The following CDK13 variants were observed in gnomAD, a reference collection of about 807,000 sequenced individuals.
CDK13 encodes the protein cyclin-dependent kinase 13.
In CDK13, 40 loss-of-function variants were observed where a neutral mutation model predicts 137.6. That is an observed-to-expected ratio of 0.29 (90% CI 0.23 to 0.38). The LOEUF is 0.38. Among genes scored for constraint, CDK13 ranks in the 10% least tolerant of loss-of-function variants. The pLI, the probability that CDK13 is intolerant of heterozygous loss-of-function variation, is 1.00. For missense variants in CDK13, 1,704 were observed against 1,951.8 expected (o/e 0.87, Z 2.39); for synonymous variants, 869 against 760.1 (o/e 1.14, Z -2.36).
In CDK13 at chr7:40,096,138, G is replaced by C. The variant is rs1180420002; in HGVS notation, c.*1158G>C. 6.6e-6 allele frequency: 1 copy of C among 152,046 alleles called. No individual in the cohort carries two copies. The highest frequency in any genetic ancestry group is 2.4e-5 in the African/African-American group (1 of 41,394). The allele number at this position is 152,046 out of a possible 1,614,324, so 9.4% of individuals were successfully genotyped here. A position where few individuals can be genotyped will look rare whatever the true frequency, so the allele number is the denominator to read the frequency against. On this transcript the variant is annotated 3_prime_UTR_variant, in exon 14 of 14. Coordinates refer to ENST00000181839, the MANE Select transcript of CDK13 (RefSeq NM_003718.5). ...GTGTTAAAGTTCATGGGGGAGGGGT[G>C]GCAAATACCGTATTTTAAGTTATGC... is the stretch of plus-strand genomic sequence containing the variant.
At chr7:40,078,468 C>T (rs554990086) in intron 10 of CDK13, 7 of 261,310 alleles carry the variant, frequency 2.7e-5, no homozygotes, top group Admixed American at 1.0e-4. Flanking sequence ...AGCAAATTAC[C>T]GATAAGTAAC....
intron 5 of CDK13, among the ~76,000 whole-genome samples, chr7:40,036,175 C>T (rs1232868740): frequency 2.4e-5 from 1 of 42,306 alleles, no homozygotes; most frequent in Non-Finnish European, 4.2e-5. Flanking sequence ...AAATAAATTA[C>T]ACACACACAC....
intron 5 of CDK13, among the ~76,000 whole-genome samples, chr7:40,007,043 A>G (rs1784808793): frequency 6.6e-6 from 1 of 152,178 alleles, no homozygotes; most frequent in Non-Finnish European, 1.5e-5. Context: ...GTGACCTTAT[A>G]CCTTAACTGT....
chr7:40,039,963 G>T (rs1785569377), intron 5 of CDK13, among the ~76,000 whole-genome samples: 1 of 148,024 alleles, frequency 6.8e-6, no homozygotes, highest in African/African-American at 2.5e-5. Context: ...TTTTTTAAAA[G>T]TACTTTTATA....
chr7:39,974,831 T>C (rs1784073320), intron 1 of CDK13, among the ~76,000 whole-genome samples: 2 of 152,216 alleles, frequency 1.3e-5, no homozygotes, highest in Admixed American at 1.3e-4. Context: ...CCCAAAGTAC[T>C]GGGATTACAG....
At chr7:40,050,547 A>C (rs1245078774) in intron 7 of CDK13, among the ~76,000 whole-genome samples, 1 of 152,172 alleles carries the variant, frequency 6.6e-6, no homozygotes, top group Admixed American at 6.5e-5. Context: ...GTGCACCACC[A>C]TGCCCAGCTA....
intron 4 of CDK13, among the ~76,000 whole-genome samples, chr7:40,000,173 C>T (rs376651633): frequency 1.3e-5 from 2 of 152,026 alleles, no homozygotes; most frequent in Admixed American, 6.6e-5. Flanking sequence ...GCCAGGAGTT[C>T]GAGACCAGCC....
chr7:40,070,464 C>G (rs1786393433), intron 9 of CDK13: 1 of 150,648 alleles, frequency 6.6e-6, no homozygotes, highest in South Asian at 2.1e-4. Context: ...CCTGTAATCC[C>G]AGTACTTTGG....
At chr7:40,024,233 C>G (rs1357987904) in intron 5 of CDK13, among the ~76,000 whole-genome samples, 3 of 152,192 alleles carry the variant, frequency 2.0e-5, no homozygotes, top group Non-Finnish European at 4.4e-5. Flanking sequence ...AGCGCTAACC[C>G]TACCCACATA....
rs66520870 is a variant in CDK13, at chr7:39,991,484, A to AGTGTGTGT, written c.1871+3259_1871+3266dup. On this transcript the variant is annotated intron_variant, in intron 2 of 13. Coordinates refer to ENST00000181839, the MANE Select transcript of CDK13 (RefSeq NM_003718.5). ...TTGTATCCACAAATACATTAGCAAA[A>AGTGTGTGT]GTGTGTGTGTGTGTGTGTGTGTGTG... 4.9e-4 allele frequency among the ~76,000 whole-genome samples: 70 copies of AGTGTGTGT among 143,774 alleles called. 1 individual carries two copies. Among genetic ancestry groups the AGTGTGTGT allele is most frequent in the African/African-American group, 1.1e-3 (41 of 38,806 alleles). The allele number at this position is 143,774 out of a possible 152,430, so 94.3% of individuals were successfully genotyped here. A position where few individuals can be genotyped will look rare whatever the true frequency, so the allele number is the denominator to read the frequency against.
At chr7:40,076,781 G>A (rs41350846) in intron 9 of CDK13, among the ~76,000 whole-genome samples, 4 of 152,078 alleles carry the variant, frequency 2.6e-5, no homozygotes, top group Non-Finnish European at 5.9e-5. Flanking sequence ...CTGGCAACTT[G>A]AGCCATTACT....
intron 5 of CDK13, among the ~76,000 whole-genome samples, chr7:40,017,011 C>A (rs1179183584): frequency 2.0e-5 from 3 of 152,010 alleles, no homozygotes; most frequent in Admixed American, 2.0e-4. Context: ...TTTTCAGTTT[C>A]CACAAATTTT....
At chr7:40,075,491 T>C (rs1014323681) in intron 9 of CDK13, among the ~76,000 whole-genome samples, 1 of 151,186 alleles carries the variant, frequency 6.6e-6, no homozygotes, top group Admixed American at 6.6e-5. Context: ...TAAAATTTTA[T>C]TGAAATAAAA....
chr7:39,998,589 C>T (rs1459636647), intron 3 of CDK13: 1 of 151,804 alleles, frequency 6.6e-6, no homozygotes, highest in Non-Finnish European at 1.5e-5. Flanking sequence ...CCACTGTACT[C>T]CAGCCTGGGC....
At chr7:39,962,014 A>G (rs4273753) in intron 1 of CDK13, among the ~76,000 whole-genome samples, 40,629 of 151,962 alleles carry the variant, frequency 0.27, 6,548 homozygotes, top group Middle Eastern at 0.45. Context: ...TATGTGCCAC[A>G]TTTTCTTAAT....
intron 1 of CDK13, among the ~76,000 whole-genome samples, chr7:39,971,356 A>G (rs1783994521): frequency 6.6e-6 from 1 of 151,914 alleles, no homozygotes; most frequent in African/African-American, 2.4e-5. Context: ...ATCTCTGCTA[A>G]GGGTACAAAA....
chr7:39,992,070 T>TACACACACAC (rs148046155), intron 2 of CDK13, among the ~76,000 whole-genome samples: 379 of 147,042 alleles, frequency 2.6e-3, no homozygotes, highest in Middle Eastern at 7.0e-3. Flanking sequence ...GAAAAAATTA[T>TACACACACAC]ACACACACAC....
Position 39,987,843 on chromosome 7 carries a change from G to A in CDK13, c.1456G>A (p.Ala486Thr), listed in dbSNP as rs1383422371. ...TAAGGCTGCTGAGGCTGCTGCCAAGGCTGCAAAAGCTTCAAACACTTCTAC... is the reference window on the plus strand; with the variant it reads ...TAAGGCTGCTGAGGCTGCTGCCAAGACTGCAAAAGCTTCAAACACTTCTAC... ...ATKAAEAAAK[A>T]AKASNTSTPT... The change falls in exon 2 of 14, where the codon GCT (alanine) becomes ACT (threonine). Residue 486 changes from alanine (A) to threonine (T), a missense_variant. By Grantham distance (58) the Ala-to-Thr change is moderately conservative. This residue lies in a region of CDK13 where 1,051 missense variants were observed against 931.0 expected (regional missense o/e 1.13). Coordinates refer to ENST00000181839, the MANE Select transcript of CDK13 (RefSeq NM_003718.5). 6.2e-7 allele frequency: 1 copy of A among 1,614,216 alleles called. No homozygotes were observed. Among genetic ancestry groups the A allele is most frequent in the Non-Finnish European group, 8.5e-7 (1 of 1,180,024 alleles).
chr7:40,076,369 A>T lies in CDK13; in HGVS notation c.2781-1636A>T, dbSNP rs565887083. 1.6e-4 allele frequency among the ~76,000 whole-genome samples: 24 copies of T among 152,320 alleles called. No homozygotes were observed. In the South Asian group the frequency reaches 5.0e-3, roughly 32 times the overall value. Reference sequence around the variant, plus strand: ...ACTTTTATTAATTAGATTACTTTTGATCTGAATCTTGAGAAGTGAAAATAA... The same window carrying T: ...ACTTTTATTAATTAGATTACTTTTGTTCTGAATCTTGAGAAGTGAAAATAA... On this transcript the variant is annotated intron_variant, in intron 9 of 13. Transcript: ENST00000181839.
Sources: allele counts gnomAD v4.1 joint callset (sites outside exome capture counted in the v4.1 genomes callset), GRCh38; gene constraint gnomAD v4.1.1; regional missense constraint gnomAD v4.1.1; transcripts MANE v1.5; gene names NCBI Gene and HGNC (gene_info 2026-07-23, HGNC 2026-07-21).